The following LINGO2 variants were observed in gnomAD, a reference collection of about 807,000 sequenced individuals.
LINGO2 encodes the protein leucine rich repeat and Ig domain containing 2.
A neutral mutation model predicts 30.6 loss-of-function variants in LINGO2; 14 were observed. The observed-to-expected ratio is 0.46, with a 90% CI of 0.30 to 0.72. The LOEUF is 0.72. LINGO2 is among the 30% of genes least tolerant of loss of function. The pLI is 0.07. For missense variants in LINGO2, 729 were observed against 751.7 expected (o/e 0.97, Z 0.35); for synonymous variants, 317 against 288.5 (o/e 1.10, Z -1.00).
At chr9:29,079,287 G>A in the LINGO2 span, among the ~76,000 whole-genome samples, 1 of 151,890 alleles carries the variant, frequency 6.6e-6, no homozygotes, top group African/African-American at 2.4e-5. Flanking sequence ...AAAATAAAAG[G>A]AGGTAATTTT....
chr9:28,666,645 G>A (rs562084719), intron 1 of LINGO2, among the ~76,000 whole-genome samples: 6 of 152,210 alleles, frequency 3.9e-5, no homozygotes, highest in Admixed American at 3.9e-4. Flanking sequence ...AGCCTCAATG[G>A]CATCATGTGG....
At chr9:28,873,530 G>C in the LINGO2 span, among the ~76,000 whole-genome samples, 23 of 152,074 alleles carry the variant, frequency 1.5e-4, no homozygotes, top group African/African-American at 4.8e-4. Flanking sequence ...GTTAGACTTG[G>C]CCAAACTTTT....
chr9:28,157,654 G>GCTATCCTTATAAAACTGACTGA (rs1323427714), intron 4 of LINGO2, among the ~76,000 whole-genome samples: 3 of 152,018 alleles, frequency 2.0e-5, no homozygotes, highest in Non-Finnish European at 4.4e-5. Flanking sequence ...TTTATGTTCT[G>GCTATCCTTATAAAACTGACTGA]CTATCCTTAT....
intron 3 of LINGO2, among the ~76,000 whole-genome samples, chr9:28,355,363 CTGTGTGTGTGTGTGTG>C (rs61656726): frequency 0.011 from 1,245 of 115,398 alleles, 11 homozygotes; most frequent in Non-Finnish European, 0.013. Context: ...CTCCCTCCCT[CTGTGTGTGTGTGTGTG>C]TGTGTGTGTG....
At chr9:29,154,176 G>A in the LINGO2 span, among the ~76,000 whole-genome samples, 1 of 152,118 alleles carries the variant, frequency 6.6e-6, no homozygotes, top group African/African-American at 2.4e-5. Flanking sequence ...CAGGCACGGT[G>A]GCTCACACCT....
chr9:29,081,244 C>T, the LINGO2 span, among the ~76,000 whole-genome samples: 4 of 152,144 alleles, frequency 2.6e-5, no homozygotes, highest in Middle Eastern at 3.4e-3. Flanking sequence ...AAGTGGGCTT[C>T]ATCCATCCCT....
chr9:28,800,023 T>A, the LINGO2 span, among the ~76,000 whole-genome samples: 1 of 152,128 alleles, frequency 6.6e-6, no homozygotes, highest in Non-Finnish European at 1.5e-5. Flanking sequence ...GAACTTAGGT[T>A]TATTGACTTT....
At chr9:29,189,831 G>C in the LINGO2 span, among the ~76,000 whole-genome samples, 7 of 151,932 alleles carry the variant, frequency 4.6e-5, no homozygotes, top group African/African-American at 1.5e-4. Flanking sequence ...CCAACACAGC[G>C]AAACCCCGTC....
At chr9:28,601,081 C>T (rs1052205172) in intron 1 of LINGO2, among the ~76,000 whole-genome samples, 9 of 152,036 alleles carry the variant, frequency 5.9e-5, no homozygotes, top group African/African-American at 1.7e-4. Flanking sequence ...AAGTTTTCTC[C>T]GTGACACACC....
chr9:28,753,494 T>C, the LINGO2 span, among the ~76,000 whole-genome samples: 20 of 152,128 alleles, frequency 1.3e-4, no homozygotes, highest in South Asian at 4.1e-3. Flanking sequence ...ATCAGAGCAG[T>C]TAATACCTTC....
the LINGO2 span, among the ~76,000 whole-genome samples, chr9:29,203,814 C>T: frequency 1.3e-5 from 2 of 152,194 alleles, no homozygotes; most frequent in African/African-American, 4.8e-5. Flanking sequence ...ACATAGCTTC[C>T]TATTTTGTCA....
chr9:28,303,259 C>T (rs899617881), intron 3 of LINGO2, among the ~76,000 whole-genome samples: 7 of 152,108 alleles, frequency 4.6e-5, no homozygotes, highest in African/African-American at 1.7e-4. Context: ...AACCAACATG[C>T]TCCTCTTTCT....
At chr9:28,866,077 A>T in the LINGO2 span, among the ~76,000 whole-genome samples, 2 of 148,440 alleles carry the variant, frequency 1.3e-5, no homozygotes, top group Non-Finnish European at 3.1e-5. Context: ...CTCTTTAGAC[A>T]GCATTCAGCT....
At chr9:28,378,603 T>A (rs115901146) in intron 2 of LINGO2, among the ~76,000 whole-genome samples, 2 of 152,178 alleles carry the variant, frequency 1.3e-5, no homozygotes, top group African/African-American at 4.8e-5. Context: ...TACTGACTGA[T>A]GAGGCTACGG....
At chr9:28,014,261 G>GA (rs1464358733) in intron 4 of LINGO2, among the ~76,000 whole-genome samples, 3 of 152,066 alleles carry the variant, frequency 2.0e-5, no homozygotes, top group African/African-American at 2.4e-5. Flanking sequence ...TACCAAAGGG[G>GA]AAAAAATGAC....
At chr9:28,601,095 C>G (rs17776809) in intron 1 of LINGO2, among the ~76,000 whole-genome samples, 22,846 of 152,034 alleles carry the variant, frequency 0.15, 2,208 homozygotes, top group Admixed American at 0.27. Context: ...ACACACCTAG[C>G]AAGGCATTTT....
At chr9:28,833,432 G>T in the LINGO2 span, among the ~76,000 whole-genome samples, 2 of 152,064 alleles carry the variant, frequency 1.3e-5, no homozygotes. Context: ...CCCATTCAAG[G>T]CTAAGTTGTT....
chr9:28,149,081 G>A, intron 4 of LINGO2: 1 of 1,534,196 alleles, frequency 6.5e-7, no homozygotes, highest in East Asian at 2.4e-5. Flanking sequence ...ACTGTTGGTG[G>A]GTCAGGCTTC....
rs184222875 is a variant in LINGO2, at chr9:28,366,651, A to G, written c.-246+6185T>C. On this transcript the variant is annotated intron_variant, in intron 3 of 5. Transcript: ENST00000379992. Reference sequence around the variant, plus strand: ...CTTGTGAGGAAAAGCAAAAGAAAATACAACAAATATACAAATAAACCAGTT... The same window carrying G: ...CTTGTGAGGAAAAGCAAAAGAAAATGCAACAAATATACAAATAAACCAGTT... Among the ~76,000 whole-genome samples the G allele has an allele frequency of 2.8e-3, 422 of 152,196 alleles. 1 individual carries two copies. The highest frequency in any genetic ancestry group is 4.8e-3 in the Admixed American group (73 of 15,292).
Sources: gnomAD v4.1 joint callset for allele counts (sites outside exome capture counted in the v4.1 genomes callset) on GRCh38, gnomAD v4.1.1 for gene constraint, MANE v1.5 for transcripts, NCBI Gene and HGNC (gene_info 2026-07-23, HGNC 2026-07-21) for gene names.